Variants in SCOC observed in about 807,000 individuals in gnomAD.
SCOC encodes the protein short coiled coil protein.
Under a neutral mutation model 9.9 loss-of-function variants are expected in SCOC, and 7 were observed. The observed-to-expected ratio is 0.71, with a 90% CI of 0.40 to 1.33. The LOEUF (loss-of-function observed/expected upper bound fraction) is 1.33, where lower values mean the gene tolerates loss of function less well. SCOC is among the 40% of genes most tolerant of loss of function. The pLI is 0.01. For missense variants in SCOC, 66 were observed against 89.7 expected (o/e 0.74, Z 1.07); for synonymous variants, 19 against 28.2 (o/e 0.67, Z 1.03).
At chr4:140,358,278 T>G (rs1481866679) in intron 2 of SCOC, among the ~76,000 whole-genome samples, 1 of 152,256 alleles carries the variant, frequency 6.6e-6, no homozygotes, top group Non-Finnish European at 1.5e-5. Context: ...CATTACCAGA[T>G]AGTTACGATC....
intron 2 of SCOC, among the ~76,000 whole-genome samples, chr4:140,365,906 G>A (rs1727772838): frequency 6.6e-6 from 1 of 152,048 alleles, no homozygotes; most frequent in African/African-American, 2.4e-5. Context: ...TTATACTTTG[G>A]GGGAGTCAAA....
At position 140,381,043 on chromosome 4, in the gene SCOC, A is replaced by G; in HGVS notation, c.188A>G (p.Glu63Gly). 1 of 1,605,972 alleles carries G rather than the reference A, an allele frequency of 6.2e-7. No individual in the cohort carries two copies. Among genetic ancestry groups the G allele is most frequent in the African/African-American group, 1.3e-5 (1 of 74,434 alleles). Reference sequence around the variant, plus strand: ...AACCAAGTTCTTGGACAATATATAGAAAATCTCATGTCAGCTTCTAGTGTT... The same window carrying G: ...AACCAAGTTCTTGGACAATATATAGGAAATCTCATGTCAGCTTCTAGTGTT... ...SENQVLGQYI[E>G]NLMSASSVFQ... The change falls in exon 4 of 4, where the codon GAA becomes GGA. Residue 63 changes from glutamate (E) to glycine (G), a missense_variant. Coordinates refer to ENST00000608372, the MANE Select transcript of SCOC (RefSeq NM_001153484.2).
intron 1 of SCOC, chr4:140,293,162 C>T: frequency 2.6e-6 from 1 of 390,066 alleles, no homozygotes; most frequent in South Asian, 1.9e-5. Context: ...AATCATTGCA[C>T]ATGCAAAGCC....
At chr4:140,272,057 CTTTT>C (rs11325260) in intron 1 of SCOC, among the ~76,000 whole-genome samples, 3 of 133,738 alleles carry the variant, frequency 2.2e-5, no homozygotes, top group Non-Finnish European at 3.2e-5. Flanking sequence ...TCTATCATCA[CTTTT>C]TTTTTTTTTT....
At chr4:140,286,783 G>T (rs1165941731) in intron 1 of SCOC, among the ~76,000 whole-genome samples, 2 of 152,172 alleles carry the variant, frequency 1.3e-5, no homozygotes, top group Non-Finnish European at 2.9e-5. Context: ...GACGACTGTG[G>T]GAGTCACGCA....
At chr4:140,278,997 G>T (rs1251925367) in intron 1 of SCOC, among the ~76,000 whole-genome samples, 1 of 152,038 alleles carries the variant, frequency 6.6e-6, no homozygotes, top group Admixed American at 6.6e-5. Context: ...TGCTCCTCAA[G>T]ATCCTGTGTA....
At chr4:140,283,350 T>G (rs957423307) in intron 1 of SCOC, among the ~76,000 whole-genome samples, 1 of 152,226 alleles carries the variant, frequency 6.6e-6, no homozygotes, top group Non-Finnish European at 1.5e-5. Context: ...AGGGTATGAC[T>G]GGTGTTACTG....
At chr4:140,355,228 TA>T (rs1727171606) in intron 2 of SCOC, among the ~76,000 whole-genome samples, 1 of 128,768 alleles carries the variant, frequency 7.8e-6, no homozygotes, top group Non-Finnish European at 1.7e-5. Context: ...TATATATATA[TA>T]TATATATATA....
intron 1 of SCOC, among the ~76,000 whole-genome samples, chr4:140,271,940 G>T (rs1329546236): frequency 6.6e-6 from 1 of 152,134 alleles, no homozygotes; most frequent in Non-Finnish European, 1.5e-5. Context: ...GCGCCTGTCT[G>T]TGTGGTGAAA....
At chr4:140,343,328 A>G (rs148859053), upstream of SCOC, 73 of 243,392 alleles carry the variant, frequency 3.0e-4, 1 homozygote, top group African/African-American at 1.5e-3. Context: ...TCCTTGAGCA[A>G]TTCAGCCTAA....
chr4:140,303,884 G>A (rs536189338), intron 1 of SCOC, among the ~76,000 whole-genome samples: 6 of 152,228 alleles, frequency 3.9e-5, no homozygotes, highest in African/African-American at 9.6e-5. Flanking sequence ...AAGCATTGCC[G>A]GTGCCACCTC....
chr4:140,290,182 A>G (rs1731429598), intron 1 of SCOC, among the ~76,000 whole-genome samples: 3 of 152,212 alleles, frequency 2.0e-5, no homozygotes, highest in Non-Finnish European at 1.5e-5. Flanking sequence ...GGCTGCTGCA[A>G]TTGTGCTGAA....
intron 1 of SCOC, among the ~76,000 whole-genome samples, chr4:140,323,069 T>C (rs555265247): frequency 1.3e-5 from 2 of 152,240 alleles, no homozygotes; most frequent in African/African-American, 4.8e-5. Flanking sequence ...ATAGTTTGGA[T>C]GTTTGTCCCC....
At chr4:140,336,785 C>A (rs1242352441) in intron 1 of SCOC, among the ~76,000 whole-genome samples, 2 of 152,160 alleles carry the variant, frequency 1.3e-5, no homozygotes, top group South Asian at 2.1e-4. Flanking sequence ...CTATGTTTAA[C>A]TTTTTGAGGA....
At chr4:140,358,734 G>A (rs1727338103) in intron 2 of SCOC, among the ~76,000 whole-genome samples, 3 of 152,186 alleles carry the variant, frequency 2.0e-5, no homozygotes, top group Non-Finnish European at 2.9e-5. Context: ...GGGAAACCTG[G>A]TTGAGAAAGG....
intron 1 of SCOC, among the ~76,000 whole-genome samples, chr4:140,274,376 A>G (rs912511590): frequency 1.3e-5 from 2 of 152,060 alleles, no homozygotes; most frequent in African/African-American, 4.8e-5. Flanking sequence ...GTGGTTTTTT[A>G]TTTGGAAATT....
At chr4:140,366,224 T>A in intron 2 of SCOC, 1 of 735,732 alleles carries the variant, frequency 1.4e-6, no homozygotes. Context: ...TTATTACTTT[T>A]CTAATCACCT....
intron 1 of SCOC, among the ~76,000 whole-genome samples, chr4:140,281,298 C>G (rs543626440): frequency 6.6e-6 from 1 of 151,730 alleles, no homozygotes; most frequent in South Asian, 2.1e-4. Flanking sequence ...AGGAATTTTA[C>G]GCTAATGAGA....
intron 2 of SCOC, among the ~76,000 whole-genome samples, chr4:140,367,388 T>C (rs1727850189): frequency 6.7e-6 from 1 of 149,654 alleles, no homozygotes; most frequent in African/African-American, 2.5e-5. Context: ...AGCCAGATTA[T>C]TTTTTTTTTG....
Sources: allele counts gnomAD v4.1 joint callset (sites outside exome capture counted in the v4.1 genomes callset), GRCh38; gene constraint gnomAD v4.1.1; transcripts MANE v1.5; gene names NCBI Gene and HGNC (gene_info 2026-07-23, HGNC 2026-07-21).